Variants in GMPS observed in about 807,000 individuals in gnomAD.
GMPS encodes the protein guanosine monophosphate synthase, also known as GMP synthase [glutamine-hydrolyzing].
GMPS carries 15 observed loss-of-function variants against 77.9 expected under a neutral mutation model. The observed-to-expected ratio is 0.19, with a 90% confidence interval of 0.13 to 0.30. The LOEUF (loss-of-function observed/expected upper bound fraction) is 0.30, where lower values mean the gene tolerates loss of function less well. Among genes scored for constraint, GMPS ranks in the 10% least tolerant of loss-of-function variants. GMPS has a pLI of 1.00. For missense variants in GMPS, 590 were observed against 838.8 expected (o/e 0.70, Z 3.66); for synonymous variants, 224 against 275.9 (o/e 0.81, Z 1.86).
At chr3:155,913,056 A>G (rs2067877) in intron 7 of GMPS, among the ~76,000 whole-genome samples, 32,194 of 152,150 alleles carry the variant, frequency 0.21, 3,564 homozygotes, top group South Asian at 0.26. Flanking sequence ...GGGTGGAGGT[A>G]AGACTCTACA....
chr3:155,914,409 T>C lies in GMPS; in HGVS notation c.887-10T>C. ...ATACCAATTTAAAACGCTTCTCCCC[T>C]TTCCTCCAGTGATAAATGCTGCTCA... On this transcript the variant is annotated splice_polypyrimidine_tract_variant and intron_variant, in intron 7 of 15. Transcript: ENST00000496455. The C allele has an allele frequency of 6.6e-7, 1 of 1,524,954 alleles. No individual in the cohort carries two copies. Among genetic ancestry groups the C allele is most frequent in the Non-Finnish European group, 8.8e-7 (1 of 1,139,848 alleles). The allele number at this position is 1,524,954 out of a possible 1,614,324, so 94.5% of individuals were successfully genotyped here.
At chr3:155,875,502 T>C (rs1754027934) in intron 1 of GMPS, among the ~76,000 whole-genome samples, 1 of 152,274 alleles carries the variant, frequency 6.6e-6, no homozygotes, top group Non-Finnish European at 1.5e-5. Flanking sequence ...AGTGCTAAGA[T>C]GATAGGCGTG....
At chr3:155,872,896 A>G (rs1318023751) in intron 1 of GMPS, among the ~76,000 whole-genome samples, 2 of 152,250 alleles carry the variant, frequency 1.3e-5, no homozygotes, top group African/African-American at 4.8e-5. Flanking sequence ...CTGACAAACC[A>G]TAACATGCCA....
chr3:155,915,726 G>T (rs1017812436), intron 8 of GMPS, among the ~76,000 whole-genome samples: 1 of 151,716 alleles, frequency 6.6e-6, no homozygotes, highest in Non-Finnish European at 1.5e-5. Flanking sequence ...AGTAGAGATG[G>T]TGTTTCATCA....
intron 3 of GMPS, among the ~76,000 whole-genome samples, chr3:155,899,274 A>G (rs946546351): frequency 6.6e-6 from 1 of 152,144 alleles, no homozygotes; most frequent in South Asian, 2.1e-4. Flanking sequence ...AGGCTGAGGC[A>G]GGAGAATCAC....
At chr3:155,922,642 C>G (rs920106898) in intron 11 of GMPS, among the ~76,000 whole-genome samples, 1 of 152,174 alleles carries the variant, frequency 6.6e-6, no homozygotes, top group African/African-American at 2.4e-5. Flanking sequence ...CTGAGGACAG[C>G]TACTAATCCT....
At chr3:155,893,378 A>G (rs1410177184) in intron 1 of GMPS, 140 bp from the exon 2 acceptor site, 7 of 582,750 alleles carry the variant, frequency 1.2e-5, no homozygotes, top group Non-Finnish European at 2.1e-5. Context: ...TAAAAGGGGT[A>G]TTTTGAATTG....
intron 1 of GMPS, among the ~76,000 whole-genome samples, chr3:155,889,835 CA>C (rs1222690152): frequency 6.6e-6 from 1 of 152,060 alleles, no homozygotes; most frequent in Non-Finnish European, 1.5e-5. Context: ...ATGATGCACT[CA>C]GGGCAGTGAG....
chr3:155,886,833 T>G (rs978254727), intron 1 of GMPS, among the ~76,000 whole-genome samples: 1 of 152,052 alleles, frequency 6.6e-6, no homozygotes, highest in African/African-American at 2.4e-5. Flanking sequence ...GGCTCACCTC[T>G]GTTTCTTCCC....
intron 12 of GMPS, among the ~76,000 whole-genome samples, chr3:155,930,119 G>A (rs1165851243): frequency 1.4e-4 from 21 of 145,214 alleles, no homozygotes; most frequent in East Asian, 1.1e-3. Flanking sequence ...ATACTACAAC[G>A]CTACAGTAAC....
At chr3:155,891,112 C>T (rs974661856) in intron 1 of GMPS, among the ~76,000 whole-genome samples, 2 of 152,146 alleles carry the variant, frequency 1.3e-5, no homozygotes, top group African/African-American at 2.4e-5. Context: ...GAAGTTTGTC[C>T]TTTATATAAT....
At chr3:155,875,262 G>C (rs572422833) in intron 1 of GMPS, among the ~76,000 whole-genome samples, 1 of 152,120 alleles carries the variant, frequency 6.6e-6, no homozygotes, top group African/African-American at 2.4e-5. Flanking sequence ...ACAAAGTCTT[G>C]CTCTGTCACC....
intron 3 of GMPS, among the ~76,000 whole-genome samples, chr3:155,899,794 C>T (rs186075225): frequency 6.6e-6 from 1 of 152,170 alleles, no homozygotes. Context: ...ATTTTTTTAT[C>T]GTCTTTATAG....
intron 11 of GMPS, among the ~76,000 whole-genome samples, chr3:155,924,872 A>G (rs1436360348): frequency 1.3e-5 from 2 of 151,932 alleles, no homozygotes; most frequent in Non-Finnish European, 2.9e-5. Context: ...AAAGAATGGA[A>G]AAACATATAC....
intron 2 of GMPS, among the ~76,000 whole-genome samples, chr3:155,894,503 C>T (rs143412891): frequency 2.0e-5 from 3 of 152,204 alleles, no homozygotes; most frequent in Non-Finnish European, 2.9e-5. Flanking sequence ...GGATTACCGG[C>T]GTGAGCCACC....
In GMPS at chr3:155,935,058, A is replaced by G. The variant is rs1227381360; in HGVS notation, c.1807+12A>G. The G allele has an allele frequency of 1.3e-6, 2 of 1,597,978 alleles. No individual in the cohort carries two copies. Among genetic ancestry groups the G allele is most frequent in the East Asian group, 2.2e-5 (1 of 44,810 alleles). ...TCTCAGGGAGTCTGGTAAGTTGCTC[A>G]TGTTTTTGATTACTACCCTCTGAAA... On this transcript the variant is annotated intron_variant, in intron 14 of 15. Transcript: ENST00000496455.
At chr3:155,912,562 G>A (rs553606406) in intron 7 of GMPS, among the ~76,000 whole-genome samples, 1 of 152,326 alleles carries the variant, frequency 6.6e-6, no homozygotes, top group Admixed American at 6.5e-5. Context: ...AAGATGAGCT[G>A]GGGATGTGCT....
intron 12 of GMPS, among the ~76,000 whole-genome samples, chr3:155,930,579 C>T (rs975394074): frequency 5.9e-5 from 9 of 152,154 alleles, no homozygotes; most frequent in Admixed American, 1.3e-4. Context: ...AGGCAACCTA[C>T]AAAATGGAAG....
intron 1 of GMPS, among the ~76,000 whole-genome samples, chr3:155,881,027 T>C (rs2108054026): frequency 6.6e-6 from 1 of 152,228 alleles, no homozygotes; most frequent in African/African-American, 2.4e-5. Flanking sequence ...TTTACTTACA[T>C]TCTTATGTAT....
Sources: gnomAD v4.1 joint callset for allele counts (sites outside exome capture counted in the v4.1 genomes callset) on GRCh38, gnomAD v4.1.1 for gene constraint, MANE v1.5 for transcripts, NCBI Gene and HGNC (gene_info 2026-07-23, HGNC 2026-07-21) for gene names.